The following PCDH15 variants were observed in gnomAD, a reference collection of about 807,000 sequenced individuals.
The protein encoded by PCDH15 is protocadherin-15.
In PCDH15, 129 loss-of-function variants were observed where a neutral mutation model predicts 178.5. The ratio of observed to expected loss-of-function variants is 0.72; its 90% CI spans 0.63 to 0.84. The LOEUF is 0.84. Among genes scored for constraint, PCDH15 ranks in the 40% least tolerant of loss-of-function variants. PCDH15 has a pLI of 0.00. For synonymous variants in PCDH15, 800 were observed against 732.0 expected, an observed-to-expected ratio of 1.09 and a Z score of -1.50; for missense variants, 2,230 against 2,099.9, an observed-to-expected ratio of 1.06 and a Z score of -1.21.
intron 1 of PCDH15, among the ~76,000 whole-genome samples, chr10:55,237,234 A>G (rs1841406953): frequency 2.6e-5 from 4 of 152,092 alleles, no homozygotes; most frequent in African/African-American, 4.8e-5. Flanking sequence ...AGCTTTTTAT[A>G]TATTTGGTTT....
At chr10:55,610,076 C>CACA (rs1165801934) in intron 2 of PCDH15, among the ~76,000 whole-genome samples, 5 of 152,002 alleles carry the variant, frequency 3.3e-5, no homozygotes, top group South Asian at 2.1e-4. Flanking sequence ...TAAGACCAAG[C>CACA]ACAACAACAA....
At chr10:53,808,921 G>C (rs747037364) in intron 37 of PCDH15, 2 of 1,570,638 alleles carry the variant, frequency 1.3e-6, no homozygotes, top group Non-Finnish European at 1.7e-6. Flanking sequence ...TTCAGGGTCT[G>C]TACTTTCTTC....
chr10:54,524,277 A>G (rs1479354999), intron 3 of PCDH15, among the ~76,000 whole-genome samples: 1 of 152,202 alleles, frequency 6.6e-6, no homozygotes, highest in African/African-American at 2.4e-5. Flanking sequence ...AAGCTCCTTC[A>G]GGGTGGGTTT....
At chr10:54,936,532 T>C (rs773879611) in intron 2 of PCDH15, among the ~76,000 whole-genome samples, 1 of 151,978 alleles carries the variant, frequency 6.6e-6, no homozygotes, top group Non-Finnish European at 1.5e-5. Flanking sequence ...TACATCCTTA[T>C]TGATATCTAT....
chr10:55,312,611 A>T (rs1843613627), intron 1 of PCDH15, among the ~76,000 whole-genome samples: 1 of 149,588 alleles, frequency 6.7e-6, no homozygotes, highest in Non-Finnish European at 1.5e-5. Context: ...TGACTGCTCT[A>T]AGTAATAGAG....
intron 32 of PCDH15, chr10:53,825,145 T>C (rs1445955616): frequency 1.9e-6 from 3 of 1,542,486 alleles, no homozygotes; most frequent in Admixed American, 2.0e-5. Context: ...CTTATGCCTA[T>C]GTATCCACAG....
intron 3 of PCDH15, among the ~76,000 whole-genome samples, chr10:54,391,753 T>G (rs1183776520): frequency 6.6e-6 from 1 of 152,186 alleles, no homozygotes; most frequent in African/African-American, 2.4e-5. Context: ...GGAAGCCAAC[T>G]GAATGTCAGA....
At chr10:54,084,431 C>A (rs2094485571) in intron 16 of PCDH15, among the ~76,000 whole-genome samples, 2 of 151,446 alleles carry the variant, frequency 1.3e-5, no homozygotes, top group African/African-American at 4.9e-5. Flanking sequence ...CGAGACCATA[C>A]CACAGCTCTC....
At chr10:55,361,908 G>T (rs946803151) in intron 2 of PCDH15, among the ~76,000 whole-genome samples, 12 of 151,992 alleles carry the variant, frequency 7.9e-5, no homozygotes, top group Non-Finnish European at 8.8e-5. Context: ...GAAGTGAAGG[G>T]GGGCTAAATA....
rs11419000 is a variant in PCDH15 at position 55,334,314 on chromosome 10, A to AT, written c.-155-167664dup. ...TGTATATATCTATATATATATATAT[A>AT]TTTTTTTTTTGAGACAGAGTTTCGC... is the stretch of plus-strand genomic sequence containing the variant. On this transcript the variant is annotated intron_variant, in intron 2 of 5. Coordinates refer to the PCDH15 transcript ENST00000613346. 8.0e-3 allele frequency among the ~76,000 whole-genome samples: 954 copies of AT among 119,584 alleles called. 28 individuals are homozygous for AT. The highest frequency in any genetic ancestry group is 0.016 in the African/African-American group (438 of 26,700). The allele number at this position is 119,584 out of a possible 152,430, so 78.5% of individuals were successfully genotyped here.
intron 20 of PCDH15, among the ~76,000 whole-genome samples, chr10:54,010,940 A>G (rs1210491031): frequency 6.6e-6 from 1 of 152,190 alleles, no homozygotes; most frequent in Non-Finnish European, 1.5e-5. Context: ...CCACTGCCAC[A>G]GCAGTAGTTC....
chr10:54,156,485 G>T (rs2045163702), intron 13 of PCDH15, among the ~76,000 whole-genome samples: 1 of 152,158 alleles, frequency 6.6e-6, no homozygotes, highest in Admixed American at 6.5e-5. Context: ...AAAACCATCA[G>T]ATCTCATGAG....
At chr10:54,939,494 CAAAAAAAAAA>C (rs71014430) in intron 2 of PCDH15, among the ~76,000 whole-genome samples, 27 of 26,684 alleles carry the variant, frequency 1.0e-3, no homozygotes, top group Non-Finnish European at 1.5e-3. Context: ...GACTCCGTCT[CAAAAAAAAAA>C]AAAAAAAAAA....
chr10:54,381,745 G>C (rs549896505), intron 3 of PCDH15, among the ~76,000 whole-genome samples: 1 of 152,024 alleles, frequency 6.6e-6, no homozygotes, highest in South Asian at 2.1e-4. Flanking sequence ...CCCAAGATGG[G>C]ATTCACCTTA....
chr10:54,379,602 T>C (rs1255020286), intron 3 of PCDH15, among the ~76,000 whole-genome samples: 1 of 152,126 alleles, frequency 6.6e-6, no homozygotes, highest in Non-Finnish European at 1.5e-5. Context: ...GCAAGCTGAA[T>C]TGTAGACAGT....
chr10:54,169,423 C>T (rs188724756), intron 13 of PCDH15, among the ~76,000 whole-genome samples: 12,424 of 137,050 alleles, frequency 0.091, 1,148 homozygotes, highest in African/African-American at 0.23. Flanking sequence ...GCTTCTAAAC[C>T]TCTGAAAACT....
Position 55,547,910 on chromosome 10 carries a change from T to TGTGA in PCDH15, c.-156+79714_-156+79715insTCAC, listed in dbSNP as rs541144266. Among the ~76,000 whole-genome samples the TGTGA allele has an allele frequency of 6.7e-3, 364 of 54,534 alleles. 4 individuals are homozygous for TGTGA. Among genetic ancestry groups the TGTGA allele is most frequent in the Middle Eastern group, 0.011 (1 of 88 alleles). 35.8% of individuals were successfully genotyped at this position (54,534 alleles called of 152,430 possible). A position where few individuals can be genotyped will look rare whatever the true frequency, so the allele number is the denominator to read the frequency against. On this transcript the variant is annotated intron_variant, in intron 2 of 5. Coordinates refer to the PCDH15 transcript ENST00000613346. ...TGGTGTGTGTGTCTGTGTGTGTGTG[T>TGTGA]GAGAGAGAGAGAGAGAGAGAGAGAG...
chr10:55,144,225 G>T (rs1838433936), intron 2 of PCDH15, among the ~76,000 whole-genome samples: 1 of 151,586 alleles, frequency 6.6e-6, no homozygotes, highest in Admixed American at 6.6e-5. Flanking sequence ...CTTGTACAGT[G>T]AGTCAGATTC....
At chr10:55,608,285 G>A (rs958774161) in intron 2 of PCDH15, among the ~76,000 whole-genome samples, 8 of 151,274 alleles carry the variant, frequency 5.3e-5, no homozygotes, top group Admixed American at 1.3e-4. Context: ...GATAGGGAAG[G>A]GAAGGGGAAG....
Sources: allele counts gnomAD v4.1 joint callset (sites outside exome capture counted in the v4.1 genomes callset), GRCh38; gene constraint gnomAD v4.1.1; transcripts MANE v1.5; gene names NCBI Gene and HGNC (gene_info 2026-07-23, HGNC 2026-07-21).